The following TRIM66 variants were observed in gnomAD, a reference collection of about 807,000 sequenced individuals.
The protein encoded by TRIM66 is tripartite motif-containing protein 66.
In TRIM66, 99 loss-of-function variants were observed where a neutral mutation model predicts 148.2. The observed-to-expected ratio is 0.67, with a 90% CI of 0.57 to 0.79. The LOEUF is 0.79. TRIM66 is among the 30% of genes least tolerant of loss of function. TRIM66 has a pLI of 0.00. For synonymous variants in TRIM66, 616 were observed against 635.9 expected, an observed-to-expected ratio of 0.97 and a Z score of 0.47; for missense variants, 1,666 against 1,697.9, an observed-to-expected ratio of 0.98 and a Z score of 0.33.
chr11:8,644,042 C>T (rs1045855912), intron 12 of TRIM66, among the ~76,000 whole-genome samples: 17 of 152,202 alleles, frequency 1.1e-4, no homozygotes, highest in African/African-American at 4.1e-4. Flanking sequence ...TCATCATTTA[C>T]AACCATTCTA....
chr11:8,663,553 C>A (rs541734115), intron 6 of TRIM66, among the ~76,000 whole-genome samples: 9 of 152,266 alleles, frequency 5.9e-5, no homozygotes, highest in East Asian at 5.8e-4. Context: ...CCTGCCCCCC[C>A]ACAAAATCTC....
chr11:8,678,534 T>A (rs2039284421), intron 3 of TRIM66, among the ~76,000 whole-genome samples: 1 of 152,246 alleles, frequency 6.6e-6, no homozygotes. Flanking sequence ...CTTATACTTA[T>A]ATTTTTTTCA....
At chr11:8,676,585 C>T (rs2039188367) in intron 3 of TRIM66, among the ~76,000 whole-genome samples, 1 of 152,162 alleles carries the variant, frequency 6.6e-6, no homozygotes, top group African/African-American at 2.4e-5. Flanking sequence ...AAACAGGCAT[C>T]TCATTTATGT....
rs1349305185 is a variant in TRIM66 at position 8,621,688 on chromosome 11, A to T, written c.3212T>A (p.Leu1071Gln). Residue 1071 changes from leucine to glutamine, a missense_variant, in exon 19 of 25, where the codon CTG (leucine) becomes CAG (glutamine). Leu to Gln is a moderately radical substitution (Grantham distance 113, BLOSUM62 -2). This residue lies in a region of TRIM66 where 1,431 missense variants were observed against 1,412.4 expected (regional missense o/e 1.01). Coordinates refer to ENST00000646038, the MANE Select transcript of TRIM66 (RefSeq NM_001388022.1). ...QKNDQDGSFLLIIECGTESSS... is the reference protein window; with the variant it reads ...QKNDQDGSFLQIIECGTESSS... ...GGACTCAGTGCCACACTCGATGATC[A>T]GCAGGAAGCTCCCATCCTGATCATT... The T allele has an allele frequency of 1.9e-6, 3 of 1,550,428 alleles. No individual in the cohort carries two copies. The highest frequency in any genetic ancestry group is 1.4e-5 in the African/African-American group (1 of 72,964).
intron 7 of TRIM66, among the ~76,000 whole-genome samples, 191 bp downstream of exon 7, chr11:8,651,608 GA>G (rs1225526154): frequency 6.6e-6 from 1 of 152,128 alleles, no homozygotes; most frequent in Non-Finnish European, 1.5e-5. Flanking sequence ...TCACTTAATA[GA>G]AAACCCCCTC....
At position 8,616,297 on chromosome 11, in the gene TRIM66, A is replaced by C. The variant is rs1173345130; in HGVS notation, c.*1647T>G. The C allele has an allele frequency of 1.3e-5, 2 of 152,262 alleles. No homozygotes were observed. Among genetic ancestry groups the C allele is most frequent in the Non-Finnish European group, 2.9e-5 (2 of 68,048 alleles). The allele number at this position is 152,262 out of a possible 1,614,324, so 9.4% of individuals were successfully genotyped here. On this transcript the variant is annotated 3_prime_UTR_variant, in exon 25 of 25. Coordinates refer to ENST00000646038, the MANE Select transcript of TRIM66 (RefSeq NM_001388022.1). ...GAAATGAGCAATACCATCAACTCACAAAGAGAGAAGAAATGTTTTCTAATT... is the reference window on the plus strand; with the variant it reads ...GAAATGAGCAATACCATCAACTCACCAAGAGAGAAGAAATGTTTTCTAATT...
chr11:8,653,312 T>C (rs1267390631), intron 6 of TRIM66, among the ~76,000 whole-genome samples: 1 of 152,244 alleles, frequency 6.6e-6, no homozygotes, highest in African/African-American at 2.4e-5. Flanking sequence ...ACCTTGTGAC[T>C]TTCTTTGGCC....
intron 3 of TRIM66, among the ~76,000 whole-genome samples, chr11:8,677,106 T>A (rs553804798): frequency 6.6e-5 from 10 of 152,250 alleles, no homozygotes; most frequent in African/African-American, 1.7e-4. Context: ...CCACATCACA[T>A]TGGGAATAAG....
chr11:8,669,827 T>C (rs370642477), intron 6 of TRIM66, among the ~76,000 whole-genome samples: 20 of 152,212 alleles, frequency 1.3e-4, no homozygotes, highest in East Asian at 5.8e-4. Context: ...GGCACTGGAA[T>C]TGAACCAAAC....
intron 1 of TRIM66, 156 bp downstream of exon 1, chr11:8,682,445 G>A (rs1175463743): frequency 5.9e-6 from 2 of 338,010 alleles, no homozygotes; most frequent in East Asian, 7.9e-5. Context: ...GAGGAGCTCA[G>A]ACAACGAGGC....
At chr11:8,648,761 C>T (rs1240591920) in intron 8 of TRIM66, among the ~76,000 whole-genome samples, 1 of 152,194 alleles carries the variant, frequency 6.6e-6, no homozygotes, top group Non-Finnish European at 1.5e-5. Context: ...AAATAGCACA[C>T]CATCAAGCCC....
At chr11:8,670,426 A>G (rs767303854) in intron 6 of TRIM66, among the ~76,000 whole-genome samples, 8 of 152,218 alleles carry the variant, frequency 5.3e-5, no homozygotes, top group Non-Finnish European at 1.0e-4. Flanking sequence ...GTTTCCACTT[A>G]TAAGTGAGAA....
chr11:8,682,962 GC>G, upstream of TRIM66: 1 of 1,157,480 alleles, frequency 8.6e-7, no homozygotes, highest in Admixed American at 2.5e-5. Context: ...GCCGGCGCGG[GC>G]CCGGGGCGGG....
rs1403406025 is a variant in TRIM66, at chr11:8,617,967, C to G, written c.4156G>C (p.Ala1386Pro). 1 of 1,551,508 alleles carries G rather than the reference C, an allele frequency of 6.4e-7. No homozygotes were observed. Among genetic ancestry groups the G allele is most frequent in the Admixed American group, 2.0e-5 (1 of 50,984 alleles). The part of the protein sequence containing the change: ...ERAKRMSFRL[A>P]NSISQV The stretch of plus-strand genomic sequence containing the variant: ...TCTCACACCTGAGAGATGCTGTTGG[C>G]CAGGCGAAATGACATTCTTTTTGCT... Residue 1386 changes from alanine to proline, a missense_variant, in exon 25 of 25, where the codon GCC (alanine) becomes CCC (proline). Ala to Pro is a conservative substitution (Grantham distance 27). This residue lies in a region of TRIM66 where 204 missense variants were observed against 231.0 expected (regional missense o/e 0.88). Transcript: ENST00000646038.
At chr11:8,652,469 TCA>T (rs2037442531) in intron 6 of TRIM66, among the ~76,000 whole-genome samples, 1 of 152,124 alleles carries the variant, frequency 6.6e-6, no homozygotes, top group Non-Finnish European at 1.5e-5. Context: ...CCTCTGAGGC[TCA>T]GAGGTCTTTT....
In TRIM66 at chr11:8,621,025, G is replaced by T; in HGVS notation, c.3545+7C>A. 2 of 1,550,592 alleles carry T rather than the reference G, an allele frequency of 1.3e-6. No homozygotes were observed. Among genetic ancestry groups the T allele is most frequent in the South Asian group, 2.4e-5 (2 of 83,836 alleles). On this transcript the variant is annotated splice_region_variant and intron_variant, in intron 20 of 24. Coordinates refer to ENST00000646038, the MANE Select transcript of TRIM66 (RefSeq NM_001388022.1). ...CCAGGTGATGGTCCTGGACTGGCATGACTCACCCTGGGAAGCTGAGCAAGG... is the reference window on the plus strand; with the variant it reads ...CCAGGTGATGGTCCTGGACTGGCATTACTCACCCTGGGAAGCTGAGCAAGG...
intron 13 of TRIM66, 132 bp from the exon 14 acceptor site, chr11:8,641,284 T>C (rs1159923424): frequency 6.1e-6 from 5 of 817,380 alleles, no homozygotes; most frequent in African/African-American, 3.5e-5. Flanking sequence ...AACTCAACCC[T>C]TGATCTCCTA....
intron 18 of TRIM66, 147 bp downstream of exon 18, chr11:8,622,669 C>T (rs996918231): frequency 4.2e-6 from 3 of 716,154 alleles, no homozygotes; most frequent in Admixed American, 2.4e-5. Flanking sequence ...TCCCAGACAT[C>T]CACTTGAAGG....
chr11:8,663,937 G>A lies in TRIM66; in HGVS notation c.340+7849C>T, dbSNP rs1164776684. On this transcript the variant is annotated intron_variant, in intron 6 of 24. Transcript: ENST00000646038. ...CTAAAAAAACTGATCTCATAAAAGCGGAGAGTAAAAGAGCAGCTACCAGGG... is the reference window on the plus strand; with the variant it reads ...CTAAAAAAACTGATCTCATAAAAGCAGAGAGTAAAAGAGCAGCTACCAGGG... Among the ~76,000 whole-genome samples, 9 of 152,156 alleles carry A rather than the reference G, an allele frequency of 5.9e-5. No homozygotes were observed. In the South Asian group the frequency reaches 6.2e-4, roughly 11 times the overall value.
Sources: gnomAD v4.1 joint callset for allele counts (sites outside exome capture counted in the v4.1 genomes callset) on GRCh38, gnomAD v4.1.1 for gene constraint, gnomAD v4.1.1 regional missense constraint, MANE v1.5 for transcripts, NCBI Gene and HGNC (gene_info 2026-07-23, HGNC 2026-07-21) for gene names.